CSMD1: variants seen among roughly 807,000 people sequenced by gnomAD.
CSMD1 encodes the protein CUB and sushi domain-containing protein 1.
In CSMD1, 213 loss-of-function variants were observed where a neutral mutation model predicts 417.5. That is an observed-to-expected ratio of 0.51 (90% CI 0.46 to 0.57). The LOEUF is 0.57. Among genes scored for constraint, CSMD1 ranks in the 20% least tolerant of loss-of-function variants. The probability of loss-of-function intolerance (pLI) is 0.00; values close to 1 mark genes in which losing one functional copy is unlikely to be tolerated. For missense variants in CSMD1, 6,923 were observed against 4,529.7 expected (o/e 1.53, Z -15.17); for synonymous variants, 2,862 against 1,736.8 (o/e 1.65, Z -16.11).
chr8:4,658,958 T>C (rs1014776225), intron 1 of CSMD1, among the ~76,000 whole-genome samples: 5 of 152,168 alleles, frequency 3.3e-5, no homozygotes, highest in African/African-American at 7.2e-5. Context: ...AGGATGTGAA[T>C]TGTAATGTCT....
chr8:4,420,175 T>C, intron 2 of CSMD1, 110 bp from the exon 3 acceptor site: 1 of 662,166 alleles, frequency 1.5e-6, no homozygotes, highest in Non-Finnish European at 2.6e-6. Context: ...TCACTTGAAA[T>C]ATGGCATTAA....
intron 56 of CSMD1, among the ~76,000 whole-genome samples, chr8:2,974,227 A>AC (rs569955963): frequency 6.6e-6 from 1 of 152,210 alleles, no homozygotes; most frequent in African/African-American, 2.4e-5. Context: ...TCTCCTGAGA[A>AC]CCCCGGAGGA....
intron 3 of CSMD1, among the ~76,000 whole-genome samples, chr8:4,067,743 C>G (rs2130765963): frequency 6.6e-6 from 1 of 152,202 alleles, no homozygotes; most frequent in Admixed American, 6.5e-5. Context: ...ACGTGTTATT[C>G]TTTGGACAAC....
chr8:4,429,329 T>G (rs1207360566), intron 2 of CSMD1, among the ~76,000 whole-genome samples: 1 of 152,074 alleles, frequency 6.6e-6, no homozygotes, highest in South Asian at 2.1e-4. Context: ...GAGCTTTACA[T>G]GTGTATATGT....
chr8:4,150,872 G>C (rs1029036997), intron 3 of CSMD1, among the ~76,000 whole-genome samples: 6 of 90,678 alleles, frequency 6.6e-5, no homozygotes, highest in African/African-American at 2.6e-4. Flanking sequence ...ATAAAAAAAT[G>C]TCCTGCTGAG....
At chr8:2,959,298 T>TCTTG (rs142938032) in intron 62 of CSMD1, among the ~76,000 whole-genome samples, 1,906 of 152,272 alleles carry the variant, frequency 0.013, 11 homozygotes, top group Middle Eastern at 0.02. Context: ...AGAAATAGGG[T>TCTTG]CTTGCTATGT....
intron 5 of CSMD1, among the ~76,000 whole-genome samples, chr8:3,768,677 A>T: frequency 6.6e-6 from 1 of 152,178 alleles, no homozygotes; most frequent in East Asian, 1.9e-4. Context: ...GTGTTGTGTT[A>T]TTGCTCCTTT....
At chr8:3,419,766 A>G (rs924501478) in intron 12 of CSMD1, among the ~76,000 whole-genome samples, 1 of 152,234 alleles carries the variant, frequency 6.6e-6, no homozygotes, top group Non-Finnish European at 1.5e-5. Context: ...TAGATTCATT[A>G]AAAGAAATAA....
Position 3,570,285 on chromosome 8 carries a change from C to T in CSMD1, c.1344+4660G>A, listed in dbSNP as rs543538825. Among the ~76,000 whole-genome samples, 34 of 152,322 alleles carry T rather than the reference C, an allele frequency of 2.2e-4. No homozygotes were observed. The South Asian group carries it at 7.0e-3, about 32-fold the overall frequency. On this transcript the variant is annotated intron_variant, in intron 10 of 69. Coordinates refer to ENST00000635120, the MANE Select transcript of CSMD1 (RefSeq NM_033225.6). ...ACCTCTTTCCTTGGTGTCTGGCTTG[C>T]CTGGATGTGATGGATATCACTGGTC...
intron 2 of CSMD1, among the ~76,000 whole-genome samples, chr8:4,441,423 T>C (rs529591726): frequency 1.3e-5 from 2 of 151,948 alleles, no homozygotes; most frequent in East Asian, 3.9e-4. Context: ...CCAGAAGTCA[T>C]CTTTAAGATT....
At chr8:4,597,361 A>T (rs1222482545) in intron 2 of CSMD1, among the ~76,000 whole-genome samples, 6 of 152,256 alleles carry the variant, frequency 3.9e-5, no homozygotes, top group Admixed American at 2.0e-4. Context: ...CATTTCACAG[A>T]CCTAAAGTAG....
intron 3 of CSMD1, among the ~76,000 whole-genome samples, chr8:4,301,824 C>T (rs1260095303): frequency 2.0e-5 from 3 of 152,180 alleles, no homozygotes; most frequent in African/African-American, 7.2e-5. Flanking sequence ...TCCCCATAAA[C>T]TTTTCAGAAA....
At chr8:4,244,114 G>A (rs1291011655) in intron 3 of CSMD1, among the ~76,000 whole-genome samples, 1 of 152,134 alleles carries the variant, frequency 6.6e-6, no homozygotes, top group Non-Finnish European at 1.5e-5. Context: ...ACTGGGTGCT[G>A]TGCGGATGAG....
At chr8:4,570,013 C>G (rs978172894) in intron 2 of CSMD1, among the ~76,000 whole-genome samples, 5 of 152,132 alleles carry the variant, frequency 3.3e-5, no homozygotes, top group African/African-American at 1.2e-4. Context: ...TGCTGAAGTT[C>G]CTTATCAGCT....
chr8:4,807,211 C>T (rs1384515194), intron 1 of CSMD1, among the ~76,000 whole-genome samples: 1 of 152,156 alleles, frequency 6.6e-6, no homozygotes, highest in Non-Finnish European at 1.5e-5. Context: ...ATCTGCCTGT[C>T]CACCACTCAC....
chr8:4,075,649 A>G (rs186288515), intron 3 of CSMD1, among the ~76,000 whole-genome samples: 2 of 152,270 alleles, frequency 1.3e-5, no homozygotes, highest in Admixed American at 6.5e-5. Context: ...TGTTGGGGAA[A>G]TTGTCTTGAT....
intron 10 of CSMD1, among the ~76,000 whole-genome samples, chr8:3,561,237 G>C (rs911213258): frequency 6.6e-6 from 1 of 152,106 alleles, no homozygotes; most frequent in South Asian, 2.1e-4. Flanking sequence ...GTTTCTCAAA[G>C]AACTAAAACT....
intron 2 of CSMD1, among the ~76,000 whole-genome samples, chr8:4,595,387 C>CTTTTTTTTT: frequency 1.2e-4 from 17 of 147,314 alleles, no homozygotes; most frequent in South Asian, 4.4e-4. Flanking sequence ...CATTCATTTT[C>CTTTTTTTTT]ATTCCATCCA....
intron 23 of CSMD1, among the ~76,000 whole-genome samples, chr8:3,315,220 C>G (rs891719989): frequency 2.0e-5 from 3 of 152,272 alleles, no homozygotes; most frequent in Admixed American, 2.0e-4. Flanking sequence ...GCATTAAAAA[C>G]TTAATATTGC....
Sources: allele counts gnomAD v4.1 joint callset (sites outside exome capture counted in the v4.1 genomes callset), GRCh38; gene constraint gnomAD v4.1.1; transcripts MANE v1.5; gene names NCBI Gene and HGNC (gene_info 2026-07-23, HGNC 2026-07-21).